The following AGPAT1 variants were observed in gnomAD, a reference collection of about 807,000 sequenced individuals.
The protein encoded by AGPAT1 is 1-acylglycerol-3-phosphate O-acyltransferase 1.
In AGPAT1, 6 loss-of-function variants were observed where a neutral mutation model predicts 31.2. The ratio of observed to expected loss-of-function variants is 0.19; its 90% CI spans 0.11 to 0.38. AGPAT1 has a LOEUF of 0.38. AGPAT1 is among the 10% of genes least tolerant of loss of function. AGPAT1 has a pLI of 1.00. For missense variants in AGPAT1, 187 were observed against 377.8 expected, an observed-to-expected ratio of 0.49 and a Z score of 4.19; for synonymous variants, 139 against 154.0, an observed-to-expected ratio of 0.90 and a Z score of 0.72.
rs777515321 is a variant in AGPAT1 at position 32,169,951 on chromosome 6, G to A, written c.679+15C>T. 1.2e-6 allele frequency: 2 copies of A among 1,609,844 alleles called. No individual in the cohort carries two copies. Among genetic ancestry groups the A allele is most frequent in the Non-Finnish European group, 1.7e-6 (2 of 1,177,636 alleles). On this transcript the variant is annotated intron_variant, in intron 6 of 6. Transcript: ENST00000375107. This position sits in a 1 kb window ranked among gnomAD's most constrained non-coding sequence, Gnocchi z 5.9. ...TCCGGACACACCCTACCCCAGAACT[G>A]CTCAAAGCCCTCACCCGAGGTGAAG...
chr6:32,176,085 A>T, upstream of AGPAT1: 1 of 983,342 alleles, frequency 1.0e-6, no homozygotes, highest in Non-Finnish European at 1.2e-6. Flanking sequence ...TGCCGCCGCT[A>T]TTCCCCCGCC....
rs1784819122 is a variant in AGPAT1, at chr6:32,169,139, T to C, written c.*137A>G. On this transcript the variant is annotated 3_prime_UTR_variant, in exon 7 of 7. Transcript: ENST00000375107. The surrounding 1 kb of genome is among the most constrained non-coding windows in gnomAD (Gnocchi z 5.9). Reference sequence around the variant, plus strand: ...GCTGTATCCACATTCACTTCAGAAGTTGAAGATTCCAAAGAGGAGAATAAG... The same window carrying C: ...GCTGTATCCACATTCACTTCAGAAGCTGAAGATTCCAAAGAGGAGAATAAG... 1 of 951,800 alleles carries C rather than the reference T, an allele frequency of 1.1e-6. No individual in the cohort carries two copies. The highest frequency in any genetic ancestry group is 1.6e-6 in the Non-Finnish European group (1 of 637,950). The allele number at this position is 951,800 out of a possible 1,614,324, so 59.0% of individuals were successfully genotyped here. A position where few individuals can be genotyped will look rare whatever the true frequency, so the allele number is the denominator to read the frequency against.
rs1205119639 is a variant in AGPAT1, at chr6:32,172,204, C to T, written c.-9-699G>A. 2.0e-5 allele frequency among the ~76,000 whole-genome samples: 3 copies of T among 151,800 alleles called. No homozygotes were observed. Among genetic ancestry groups the T allele is most frequent in the East Asian group, 1.9e-4 (1 of 5,166 alleles). On this transcript the variant is annotated intron_variant, in intron 1 of 6. Coordinates refer to ENST00000375107, the MANE Select transcript of AGPAT1 (RefSeq NM_006411.4). The surrounding 1 kb of genome is among the most constrained non-coding windows in gnomAD (Gnocchi z 4.3). The stretch of plus-strand genomic sequence containing the variant: ...GCGCATGCCTTTAATCCCAGCTACT[C>T]GGGAGGCTGAGGCAGGAGAATCGCT...
chr6:32,171,834 C>T lies in AGPAT1; in HGVS notation c.-9-329G>A, dbSNP rs1785134856. Reference sequence around the variant, plus strand: ...GCTAACACTTGTAGCTGGTAAGGGTCTTATAATGGTCTATACTTGTGCTGT... The same window carrying T: ...GCTAACACTTGTAGCTGGTAAGGGTTTTATAATGGTCTATACTTGTGCTGT... On this transcript the variant is annotated intron_variant, in intron 1 of 6. Transcript: ENST00000375107. The surrounding 1 kb of genome is among the most constrained non-coding windows in gnomAD (Gnocchi z 6.9). 2.1e-6 allele frequency: 1 copy of T among 487,552 alleles called. No homozygotes were observed. Among genetic ancestry groups the T allele is most frequent in the Non-Finnish European group, 3.7e-6 (1 of 268,638 alleles). The allele number at this position is 487,552 out of a possible 1,614,324, so 30.2% of individuals were successfully genotyped here. A position where few individuals can be genotyped will look rare whatever the true frequency, so the allele number is the denominator to read the frequency against.
chr6:32,169,078 A>G lies in AGPAT1; in HGVS notation c.*198T>C. 1 of 615,162 alleles carries G rather than the reference A, an allele frequency of 1.6e-6. No individual in the cohort carries two copies. The highest frequency in any genetic ancestry group is 2.8e-6 in the Non-Finnish European group (1 of 354,490). The allele number at this position is 615,162 out of a possible 1,614,324, so 38.1% of individuals were successfully genotyped here. A position where few individuals can be genotyped will look rare whatever the true frequency, so the allele number is the denominator to read the frequency against. ...AGAGTGGAGACTGCACCGAGGCAAG[A>G]GTCCATGGATGGGGCCAAGAGGGGG... On this transcript the variant is annotated 3_prime_UTR_variant, in exon 7 of 7. Transcript: ENST00000375107. The surrounding 1 kb of genome is among the most constrained non-coding windows in gnomAD (Gnocchi z 5.9).
In AGPAT1 at chr6:32,175,421, A is replaced by G. The variant is rs1785450873; in HGVS notation, c.-10+393T>C. On this transcript the variant is annotated intron_variant, in intron 1 of 6. Transcript: ENST00000375107. The surrounding 1 kb of genome is among the most constrained non-coding windows in gnomAD (Gnocchi z 4.5). ...GAGAAACAAGAGGTCCTGTGCCTAGATGGAAACAGAGGCACCTAAGGGTAT... is the reference window on the plus strand; with the variant it reads ...GAGAAACAAGAGGTCCTGTGCCTAGGTGGAAACAGAGGCACCTAAGGGTAT... Among the ~76,000 whole-genome samples the G allele has an allele frequency of 6.6e-6, 1 of 152,162 alleles. No individual in the cohort carries two copies.
At position 32,170,116 on chromosome 6, in the gene AGPAT1, G is replaced by A; in HGVS notation, c.606+49C>T. On this transcript the variant is annotated intron_variant, in intron 5 of 6. Coordinates refer to ENST00000375107, the MANE Select transcript of AGPAT1 (RefSeq NM_006411.4). This position sits in a 1 kb window ranked among gnomAD's most constrained non-coding sequence, Gnocchi z 7.7. ...AATAAGCCCCTGCCCAGAGATGAGG[G>A]AATGGTGGGGGTTGGCAGCTGAGTA... is the stretch of plus-strand genomic sequence containing the variant. The A allele has an allele frequency of 6.2e-7, 1 of 1,610,588 alleles. No homozygotes were observed. The highest frequency in any genetic ancestry group is 1.3e-5 in the African/African-American group (1 of 74,960).
chr6:32,169,198 C>T lies in AGPAT1; in HGVS notation c.*78G>A. The T allele has an allele frequency of 6.6e-7, 1 of 1,507,366 alleles. No individual in the cohort carries two copies. Among genetic ancestry groups the T allele is most frequent in the Non-Finnish European group, 9.1e-7 (1 of 1,100,378 alleles). 93.4% of individuals were successfully genotyped at this position (1,507,366 alleles called of 1,614,324 possible). A position where few individuals can be genotyped will look rare whatever the true frequency, so the allele number is the denominator to read the frequency against. On this transcript the variant is annotated 3_prime_UTR_variant, in exon 7 of 7. Transcript: ENST00000375107. The surrounding 1 kb of genome is among the most constrained non-coding windows in gnomAD (Gnocchi z 5.9). ...GGGGAGACAAGGAAGAGGGTTTGGCCCTGCTTCAGGGCCCACTGGGTGGGT... is the reference window on the plus strand; with the variant it reads ...GGGGAGACAAGGAAGAGGGTTTGGCTCTGCTTCAGGGCCCACTGGGTGGGT...
chr6:32,169,223 T>C lies in AGPAT1; in HGVS notation c.*53A>G, dbSNP rs1252912722. ...CCTGCTTCAGGGCCCACTGGGTGGG[T>C]AGGTGTGGGGAGGAAGATGGGGACA... is the stretch of plus-strand genomic sequence containing the variant. On this transcript the variant is annotated 3_prime_UTR_variant, in exon 7 of 7. Transcript: ENST00000375107. This position sits in a 1 kb window ranked among gnomAD's most constrained non-coding sequence, Gnocchi z 5.9. 1 of 1,581,612 alleles carries C rather than the reference T, an allele frequency of 6.3e-7. No homozygotes were observed. The highest frequency in any genetic ancestry group is 8.6e-7 in the Non-Finnish European group (1 of 1,157,536).
At chr6:32,176,992 C>A, upstream of AGPAT1, 1 of 398,650 alleles carries the variant, frequency 2.5e-6, no homozygotes, top group South Asian at 1.3e-4. Context: ...TTACTAGGAT[C>A]ATTCCATCAC....
At chr6:32,176,296 T>C (rs753930537), upstream of AGPAT1, among the ~76,000 whole-genome samples, 28 of 152,196 alleles carry the variant, frequency 1.8e-4, no homozygotes, top group Non-Finnish European at 3.2e-4. Flanking sequence ...TTTTTTTCTC[T>C]AACTCCCTTT....
rs2127418122 is a variant in AGPAT1 at position 32,172,745 on chromosome 6, C to A, written c.-9-1240G>T. Among the ~76,000 whole-genome samples, 1 of 152,232 alleles carries A rather than the reference C, an allele frequency of 6.6e-6. No homozygotes were observed. The highest frequency in any genetic ancestry group is 2.1e-4 in the South Asian group (1 of 4,824). ...ACACTCACAGCCATATACCCAAGGG[C>A]CAAATGGCAAGATTAAAAGTTCGTG... On this transcript the variant is annotated intron_variant, in intron 1 of 6. Transcript: ENST00000375107. This position sits in a 1 kb window ranked among gnomAD's most constrained non-coding sequence, Gnocchi z 4.3.
In AGPAT1 at chr6:32,171,449, C is replaced by T. The variant is rs1785094469; in HGVS notation, c.48G>A (p.Leu16=). Residue 16 remains leucine, a synonymous_variant, in exon 2 of 7, where the codon CTG becomes CTA. Coordinates refer to ENST00000375107, the MANE Select transcript of AGPAT1 (RefSeq NM_006411.4). The surrounding 1 kb of genome is among the most constrained non-coding windows in gnomAD (Gnocchi z 6.9). ...GAWMLLLLLF[L]LLLFLLPTLW... ...GGGTGGGCAGCAGGAAGAGCAGCAG[C>T]AGGAAGAGCAGCAGCAGCAGCATCC... is the stretch of plus-strand genomic sequence containing the variant. The T allele has an allele frequency of 6.2e-7, 1 of 1,611,958 alleles. No individual in the cohort carries two copies. The highest frequency in any genetic ancestry group is 8.5e-7 in the Non-Finnish European group (1 of 1,179,622).
At chr6:32,176,437 C>CTTAAGG, upstream of AGPAT1, 1 of 938,984 alleles carries the variant, frequency 1.1e-6, no homozygotes, top group Non-Finnish European at 1.3e-6. Flanking sequence ...GCTGCTTATT[C>CTTAAGG]CCCCCAACTA....
At chr6:32,176,256 T>C, upstream of AGPAT1, 5 of 671,794 alleles carry the variant, frequency 7.4e-6, no homozygotes, top group Non-Finnish European at 9.2e-6. Flanking sequence ...CCCTCGGTCT[T>C]TGCCCCCATC....
At position 32,171,276 on chromosome 6, in the gene AGPAT1, C is replaced by T. The variant is rs1785076474; in HGVS notation, c.200+21G>A. On this transcript the variant is annotated intron_variant, in intron 2 of 6. Coordinates refer to ENST00000375107, the MANE Select transcript of AGPAT1 (RefSeq NM_006411.4). This position sits in a 1 kb window ranked among gnomAD's most constrained non-coding sequence, Gnocchi z 6.9. ...TTGTACCCTTAGGTTCCCTCATTGC[C>T]CAAGACCCCTTGCCCCTCACTTCAT... The T allele has an allele frequency of 6.2e-7, 1 of 1,613,118 alleles. No homozygotes were observed. Among genetic ancestry groups the T allele is most frequent in the East Asian group, 2.2e-5 (1 of 44,884 alleles).
At position 32,171,139 on chromosome 6, in the gene AGPAT1, A is replaced by C. The variant is rs575527440; in HGVS notation, c.201-69T>G. The C allele has an allele frequency of 2.5e-5, 40 of 1,589,754 alleles. No individual in the cohort carries two copies. The East Asian group carries it at 6.3e-4, about 25-fold the overall frequency. The stretch of plus-strand genomic sequence containing the variant: ...CCATCTGCATGCCTCAGCTCCCCCC[A>C]CCTTACTGTCTTTCTGACCACCTTT... On this transcript the variant is annotated intron_variant, in intron 2 of 6. Transcript: ENST00000375107. The surrounding 1 kb of genome is among the most constrained non-coding windows in gnomAD (Gnocchi z 6.9).
chr6:32,169,532 C>T lies in AGPAT1; in HGVS notation c.680-84G>A, dbSNP rs1032917182. 2.0e-6 allele frequency: 3 copies of T among 1,511,518 alleles called. No homozygotes were observed. Among genetic ancestry groups the T allele is most frequent in the African/African-American group, 2.7e-5 (2 of 73,004 alleles). 93.6% of individuals were successfully genotyped at this position (1,511,518 alleles called of 1,614,324 possible). ...GCCCAGCTTCCGAGTGATACTCTTC[C>T]TCAACCTTTCAGTTCTCTTCCCCCA... On this transcript the variant is annotated intron_variant, in intron 6 of 6. Transcript: ENST00000375107. This position sits in a 1 kb window ranked among gnomAD's most constrained non-coding sequence, Gnocchi z 5.9.
At chr6:32,176,258 GC>G (rs1057416470), upstream of AGPAT1, 15 of 655,704 alleles carry the variant, frequency 2.3e-5, no homozygotes, top group African/African-American at 2.6e-4. Flanking sequence ...CTCGGTCTTT[GC>G]CCCCATCTCT....
Sources: allele counts gnomAD v4.1 joint callset (sites outside exome capture counted in the v4.1 genomes callset), GRCh38; gene constraint gnomAD v4.1.1; non-coding constraint Gnocchi (gnomAD v3.1); transcripts MANE v1.5; gene names NCBI Gene and HGNC (gene_info 2026-07-23, HGNC 2026-07-21).